Variants in SORCS2 observed in about 807,000 individuals in gnomAD.
SORCS2 encodes VPS10 domain-containing receptor SorCS2.
A neutral mutation model predicts 141.6 loss-of-function variants in SORCS2; 100 were observed. The observed-to-expected ratio is 0.71, with a 90% confidence interval of 0.60 to 0.83. The LOEUF (loss-of-function observed/expected upper bound fraction) is 0.83, where lower values mean the gene tolerates loss of function less well. Among genes scored for constraint, SORCS2 ranks in the 40% least tolerant of loss-of-function variants. SORCS2 has a pLI of 0.00. For synonymous variants in SORCS2, 789 were observed against 676.9 expected (o/e 1.17, Z -2.57); for missense variants, 1,646 against 1,560.2 (o/e 1.05, Z -0.93).
chr4:7,460,573 T>C (rs376695438), intron 2 of SORCS2, among the ~76,000 whole-genome samples: 1 of 152,344 alleles, frequency 6.6e-6, no homozygotes, highest in East Asian at 1.9e-4. Flanking sequence ...TGCATTTCCA[T>C]GACTGGAGTG....
At chr4:7,386,728 TAC>T (rs1308191188) in intron 1 of SORCS2, among the ~76,000 whole-genome samples, 4 of 79,588 alleles carry the variant, frequency 5.0e-5, no homozygotes, top group Non-Finnish European at 9.9e-5. Flanking sequence ...TGCACATACA[TAC>T]ACATATGCAC....
At chr4:7,364,352 T>C (rs994312077) in intron 1 of SORCS2, among the ~76,000 whole-genome samples, 1 of 152,210 alleles carries the variant, frequency 6.6e-6, no homozygotes, top group Non-Finnish European at 1.5e-5. Flanking sequence ...GTCTTTTCGG[T>C]GACATCTTGC....
intron 3 of SORCS2, among the ~76,000 whole-genome samples, chr4:7,600,160 G>A (rs529683104): frequency 6.6e-6 from 1 of 152,250 alleles, no homozygotes; most frequent in South Asian, 2.1e-4. Flanking sequence ...AAGCATGAGG[G>A]TGTTTGTGTA....
intron 1 of SORCS2, among the ~76,000 whole-genome samples, chr4:7,261,885 G>A (rs1714352776): frequency 6.6e-6 from 1 of 152,210 alleles, no homozygotes; most frequent in Non-Finnish European, 1.5e-5. Context: ...GATGACCGAG[G>A]ATCCTTTCCA....
chr4:7,549,941 C>T (rs901831727), intron 3 of SORCS2, among the ~76,000 whole-genome samples: 1 of 152,162 alleles, frequency 6.6e-6, no homozygotes, highest in Non-Finnish European at 1.5e-5. Flanking sequence ...TGGGTTAGGG[C>T]AGAGGGAGAT....
chr4:7,638,405 G>A lies in SORCS2; in HGVS notation c.726G>A (p.Gln242=). 1 of 1,592,374 alleles carries A rather than the reference G, an allele frequency of 6.3e-7. No homozygotes were observed. Among genetic ancestry groups the A allele is most frequent in the Non-Finnish European group, 8.5e-7 (1 of 1,171,610 alleles). ...GCGCAGACGAAGGCGCCACCTTTCA[G>A]AAGCAGCCCATTCCCTTCTTCGTGG... ...FLSADEGATF[Q]KQPIPFFVET... Residue 242 remains glutamine, a synonymous_variant, in exon 4 of 27, where the codon CAG becomes CAA. Transcript: ENST00000507866.
At chr4:7,287,445 G>T (rs1198806540) in intron 1 of SORCS2, among the ~76,000 whole-genome samples, 1 of 152,218 alleles carries the variant, frequency 6.6e-6, no homozygotes, top group African/African-American at 2.4e-5. Flanking sequence ...GGGCGTGGGG[G>T]CACATCGCCC....
intron 1 of SORCS2, among the ~76,000 whole-genome samples, chr4:7,298,241 C>A (rs1361568829): frequency 6.6e-6 from 1 of 152,176 alleles, no homozygotes; most frequent in Non-Finnish European, 1.5e-5. Context: ...AGTTTGGGGA[C>A]ATCCGTTTGT....
intron 1 of SORCS2, among the ~76,000 whole-genome samples, chr4:7,269,263 G>A (rs1229795978): frequency 1.3e-5 from 2 of 152,206 alleles, no homozygotes; most frequent in African/African-American, 4.8e-5. Context: ...GAACAGCAAA[G>A]GTCCTGAGTG....
intron 3 of SORCS2, among the ~76,000 whole-genome samples, chr4:7,602,892 T>G (rs977049708): frequency 3.3e-5 from 5 of 152,148 alleles, no homozygotes; most frequent in Non-Finnish European, 7.3e-5. Flanking sequence ...TGAGCGAGAC[T>G]CCGTCTGCAA....
At chr4:7,726,333 G>T (rs1223103751) in intron 20 of SORCS2, among the ~76,000 whole-genome samples, 1 of 152,196 alleles carries the variant, frequency 6.6e-6, no homozygotes, top group Non-Finnish European at 1.5e-5. Flanking sequence ...TTCGTGCTGT[G>T]TTGGCTTACA....
intron 3 of SORCS2, among the ~76,000 whole-genome samples, chr4:7,557,649 C>G (rs919689074): frequency 1.3e-5 from 2 of 152,180 alleles, no homozygotes; most frequent in Non-Finnish European, 2.9e-5. Context: ...TCTCCAGTGC[C>G]TTTAAAAAGG....
intron 1 of SORCS2, among the ~76,000 whole-genome samples, chr4:7,366,730 G>A (rs1721921447): frequency 6.6e-6 from 1 of 151,924 alleles, no homozygotes; most frequent in Non-Finnish European, 1.5e-5. Context: ...CCATCAGATG[G>A]CCTGTGTGCT....
At chr4:7,226,635 C>A (rs140301314) in intron 1 of SORCS2, among the ~76,000 whole-genome samples, 1 of 152,254 alleles carries the variant, frequency 6.6e-6, no homozygotes, top group South Asian at 2.1e-4. Flanking sequence ...TAATCCAGAC[C>A]GCCATCTGTC....
At chr4:7,606,113 A>G (rs965433824) in intron 3 of SORCS2, among the ~76,000 whole-genome samples, 6 of 152,184 alleles carry the variant, frequency 3.9e-5, no homozygotes, top group African/African-American at 1.4e-4. Context: ...TTCTGCTCCC[A>G]TGAACCACCC....
intron 3 of SORCS2, among the ~76,000 whole-genome samples, chr4:7,589,676 C>G (rs1015289444): frequency 6.6e-6 from 1 of 152,226 alleles, no homozygotes. Flanking sequence ...GCTGGGATTA[C>G]AGGCGTGAGC....
intron 1 of SORCS2, among the ~76,000 whole-genome samples, chr4:7,241,205 C>A (rs1402107815): frequency 6.6e-6 from 1 of 152,188 alleles, no homozygotes; most frequent in African/African-American, 2.4e-5. Context: ...TCCCAAAGTG[C>A]TGGGATTACA....
intron 3 of SORCS2, among the ~76,000 whole-genome samples, chr4:7,596,979 C>T (rs779542279): frequency 1.3e-4 from 20 of 152,076 alleles, no homozygotes; most frequent in Non-Finnish European, 2.9e-4. Flanking sequence ...AAGCAGAAAA[C>T]CACCAAGAGC....
At chr4:7,638,169 T>A (rs916442490) in intron 3 of SORCS2, among the ~76,000 whole-genome samples, 159 bp from the exon 4 acceptor site, 5 of 152,104 alleles carry the variant, frequency 3.3e-5, no homozygotes, top group Admixed American at 3.3e-4. Flanking sequence ...CTCCCTGGTA[T>A]CAGGAGGTGA....
Sources: allele counts gnomAD v4.1 joint callset (sites outside exome capture counted in the v4.1 genomes callset), GRCh38; gene constraint gnomAD v4.1.1; transcripts MANE v1.5; gene names NCBI Gene and HGNC (gene_info 2026-07-23, HGNC 2026-07-21).